The following ZNF880 variants were observed in gnomAD, a reference collection of about 807,000 sequenced individuals.
ZNF880 encodes the protein zinc finger protein 880.
ZNF880 carries 12 observed loss-of-function variants against 11.8 expected under a neutral mutation model. The ratio of observed to expected loss-of-function variants is 1.02; its 90% CI spans 0.65 to 1.65. ZNF880 has a LOEUF of 1.65. Among genes scored for constraint, ZNF880 ranks in the 40% most tolerant of loss-of-function variants. The pLI is 0.00. For synonymous variants in ZNF880, 210 were observed against 232.4 expected, an observed-to-expected ratio of 0.90 and a Z score of 0.88; for missense variants, 601 against 673.9, an observed-to-expected ratio of 0.89 and a Z score of 1.20.
In ZNF880 at chr19:52,384,462, A is replaced by G; in HGVS notation, c.882A>G (p.Lys294=). Residue 294 remains lysine (K), a synonymous_variant, in exon 4 of 4, where the codon AAA becomes AAG. Coordinates refer to ENST00000422689, the MANE Select transcript of ZNF880 (RefSeq NM_001145434.2). ...ATCACAGAATCCACACTGGAGAGAA[A>G]CCTTACAAATGTAATGAGTGTGGCA... The part of the protein sequence containing the change: ...ANHHRIHTGE[K]PYKCNECGKV... 1 of 1,614,168 alleles carries G rather than the reference A, an allele frequency of 6.2e-7. No individual in the cohort carries two copies. The highest frequency in any genetic ancestry group is 2.2e-5 in the East Asian group (1 of 44,876).
At chr19:52,393,049 A>G in the ZNF880 span, among the ~76,000 whole-genome samples, 6 of 150,752 alleles carry the variant, frequency 4.0e-5, no homozygotes, top group African/African-American at 1.5e-4. Context: ...TGGAAAACCA[A>G]TAGTATAAAT....
chr19:52,370,601 TAGTG>T (rs1312505025), intron 1 of ZNF880: 2 of 152,308 alleles, frequency 1.3e-5, no homozygotes, highest in African/African-American at 4.8e-5. Context: ...CTGGACAACA[TAGTG>T]AGACCCCCAT....
In ZNF880 at chr19:52,384,556, T is replaced by G; in HGVS notation, c.976T>G (p.Cys326Gly). ...TCATAGTGGAGAGAAACCTTACAAA[T>G]GTAAGGAATGTGGCAAAGCATTTTC... ...KIHSGEKPYK[C>G]KECGKAFSGG... is the part of the protein sequence containing the mutation. Residue 326 changes from cysteine (C) to glycine (G), a missense_variant, in exon 4 of 4, where the codon TGT becomes GGT. Transcript: ENST00000422689. The G allele has an allele frequency of 6.2e-7, 1 of 1,613,946 alleles. No homozygotes were observed. The highest frequency in any genetic ancestry group is 8.5e-7 in the Non-Finnish European group (1 of 1,179,946).
chr19:52,385,966 G>A (rs1287488731), downstream of ZNF880, among the ~76,000 whole-genome samples: 1 of 142,708 alleles, frequency 7.0e-6, no homozygotes, highest in Non-Finnish European at 1.5e-5. Flanking sequence ...ACGAGGTTAG[G>A]AGATCAAGAC....
chr19:52,367,779 T>A (rs551918664), upstream of ZNF880: 1 of 152,286 alleles, frequency 6.6e-6, no homozygotes, highest in East Asian at 1.9e-4. Context: ...ATGCCCTGTA[T>A]TGTGTTTCTA....
chr19:52,383,089 G>C (rs1986750025), intron 3 of ZNF880, among the ~76,000 whole-genome samples: 1 of 152,066 alleles, frequency 6.6e-6, no homozygotes, highest in Non-Finnish European at 1.5e-5. Context: ...TATTACTTCA[G>C]TTATCATATT....
intron 2 of ZNF880, 140 bp downstream of exon 2, chr19:52,373,377 A>G (rs1986450592): frequency 1.4e-6 from 1 of 708,946 alleles, no homozygotes; most frequent in Non-Finnish European, 2.2e-6. Context: ...GAAAACCTCC[A>G]TAATGCTTTA....
intron 3 of ZNF880, among the ~76,000 whole-genome samples, chr19:52,378,397 C>T (rs1986614046): frequency 6.6e-6 from 1 of 152,040 alleles, no homozygotes; most frequent in Non-Finnish European, 1.5e-5. Context: ...GTAATCCCAG[C>T]ACTTTGGGAG....
At chr19:52,368,233 AAC>A (rs1555803029), upstream of ZNF880, among the ~76,000 whole-genome samples, 11 of 151,580 alleles carry the variant, frequency 7.3e-5, no homozygotes, top group Non-Finnish European at 1.5e-4. Context: ...ATAATACTGT[AAC>A]ACAATTTCTT....
intron 3 of ZNF880, among the ~76,000 whole-genome samples, chr19:52,382,128 G>A (rs1405434526): frequency 2.0e-5 from 3 of 151,980 alleles, no homozygotes; most frequent in African/African-American, 7.2e-5. Flanking sequence ...ACAAAAATTA[G>A]CCAGGTGGGG....
the ZNF880 span, chr19:52,397,108 C>CA: frequency 1.3e-5 from 2 of 150,698 alleles, no homozygotes; most frequent in African/African-American, 4.9e-5. Context: ...ACAACAACAA[C>CA]AACAAAAAAC....
At position 52,384,631 on chromosome 19, in the gene ZNF880, C is replaced by G. The variant is rs1389357825; in HGVS notation, c.1051C>G (p.Leu351Val). ...TCTTGTAATTCACACTGGAGAGAAA[C>G]TTTACAAATGTAATAAATGTGGCAA... ...AHLVIHTGEK[L>V]YKCNKCGKVF... is the part of the protein sequence containing the mutation. Residue 351 changes from leucine (L) to valine (V), a missense_variant, in exon 4 of 4, where the codon CTT becomes GTT. Transcript: ENST00000422689. 1 of 1,612,042 alleles carries G rather than the reference C, an allele frequency of 6.2e-7. No homozygotes were observed. Among genetic ancestry groups the G allele is most frequent in the East Asian group, 2.2e-5 (1 of 44,842 alleles).
intron 1 of ZNF880, among the ~76,000 whole-genome samples, chr19:52,372,584 G>A (rs112596421): frequency 0.068 from 10,052 of 147,866 alleles, 362 homozygotes; most frequent in South Asian, 0.097. Context: ...CACCGCGCCC[G>A]GCCTAGAAAT....
intron 3 of ZNF880, among the ~76,000 whole-genome samples, chr19:52,382,315 A>G (rs1189890628): frequency 2.0e-5 from 3 of 152,114 alleles, no homozygotes; most frequent in Non-Finnish European, 4.4e-5. Flanking sequence ...AAGTTACAAA[A>G]GAAAAGAGTA....
chr19:52,385,038 T>C lies in ZNF880; in HGVS notation c.1458T>C (p.His486=). 2 of 1,569,334 alleles carry C rather than the reference T, an allele frequency of 1.3e-6. No homozygotes were observed. Among genetic ancestry groups the C allele is most frequent in the Admixed American group, 1.9e-5 (1 of 52,660 alleles). Residue 486 remains histidine (H), a synonymous_variant, in exon 4 of 4, where the codon CAT becomes CAC. Transcript: ENST00000422689. Reference sequence around the variant, plus strand: ...ACCTTGCAAATCATCACAGAATCCATACTGGAGAGAAACCTTACAAATGCA... The same window carrying C: ...ACCTTGCAAATCATCACAGAATCCACACTGGAGAGAAACCTTACAAATGCA... The part of the protein sequence containing the change: ...NSNLANHHRI[H]TGEKPYKCSE...
chr19:52,390,407 T>A (rs1817826806), downstream of ZNF880: 31 of 358,472 alleles, frequency 8.6e-5, 2 homozygotes, highest in South Asian at 5.9e-4. Flanking sequence ...TCTCCTGCCT[T>A]TTTCCTCCTT....
intron 3 of ZNF880, among the ~76,000 whole-genome samples, chr19:52,375,925 GGCCT>G (rs1347468627): frequency 6.6e-6 from 1 of 152,106 alleles, no homozygotes; most frequent in Non-Finnish European, 1.5e-5. Context: ...CTTCCCACCT[GGCCT>G]GCCTAAGTGA....
upstream of ZNF880, among the ~76,000 whole-genome samples, chr19:52,369,218 C>G (rs984372836): frequency 6.6e-6 from 1 of 150,756 alleles, no homozygotes; most frequent in Admixed American, 6.6e-5. Flanking sequence ...AAAAAGTAGC[C>G]CGGTGTGGTG....
rs1235776261 is a variant in ZNF880, at chr19:52,385,763, T to TA, written c.*455dup. On this transcript the variant is annotated 3_prime_UTR_variant, in exon 4 of 4. Coordinates refer to ENST00000422689, the MANE Select transcript of ZNF880 (RefSeq NM_001145434.2). ...AAATGGTCAGTTATATTCAGGCAATTAAAAAACCTAATTATATGGGGTTTT... is the reference window on the plus strand; with the variant it reads ...AAATGGTCAGTTATATTCAGGCAATTAAAAAAACCTAATTATATGGGGTTTT... The TA allele has an allele frequency of 1.3e-5, 2 of 151,144 alleles. 1 individual carries two copies. The highest frequency in any genetic ancestry group is 2.9e-5 in the Non-Finnish European group (2 of 70,066). The allele number at this position is 151,144 out of a possible 1,614,324, so 9.4% of individuals were successfully genotyped here.
Sources: allele counts gnomAD v4.1 joint callset (sites outside exome capture counted in the v4.1 genomes callset), GRCh38; gene constraint gnomAD v4.1.1; transcripts MANE v1.5; gene names NCBI Gene and HGNC (gene_info 2026-07-23, HGNC 2026-07-21).